HIBCH: variants seen among roughly 807,000 people sequenced by gnomAD.
The protein encoded by HIBCH is 3-hydroxyisobutyryl-CoA hydrolase, mitochondrial.
HIBCH carries 50 observed loss-of-function variants against 58.2 expected under a neutral mutation model. That is an observed-to-expected ratio of 0.86 (90% CI 0.68 to 1.09). The LOEUF is 1.09. Ranked by LOEUF, HIBCH falls within the 50% of genes least tolerant of loss-of-function variation. HIBCH has a pLI of 0.00. For synonymous variants in HIBCH, 151 were observed against 146.9 expected (o/e 1.03, Z -0.20); for missense variants, 450 against 449.7 (o/e 1.00, Z -0.01).
intron 1 of HIBCH, among the ~76,000 whole-genome samples, chr2:190,318,428 C>A (rs1262416486): frequency 1.3e-5 from 2 of 152,134 alleles, no homozygotes; most frequent in Non-Finnish European, 2.9e-5. Flanking sequence ...AAACACTTTC[C>A]GTGGCACCCT....
intron 1 of HIBCH, among the ~76,000 whole-genome samples, chr2:190,195,064 A>G (rs1270863974): frequency 6.6e-6 from 1 of 152,020 alleles, no homozygotes; most frequent in East Asian, 1.9e-4. Context: ...GGGTCTTGCT[A>G]TGTTGCCTAG....
intron 9 of HIBCH, among the ~76,000 whole-genome samples, chr2:190,249,040 G>A (rs1575723648): frequency 1.3e-5 from 2 of 152,212 alleles, no homozygotes; most frequent in Admixed American, 1.3e-4. Context: ...TCATCCTGCT[G>A]ATTTCAAGCT....
chr2:190,191,575 G>A (rs746604060), intron 1 of HIBCH, among the ~76,000 whole-genome samples: 3 of 152,158 alleles, frequency 2.0e-5, no homozygotes, highest in Non-Finnish European at 4.4e-5. Context: ...CAGAGGCCAT[G>A]TCATTTTGCA....
chr2:190,267,965 A>G (rs936718181), intron 6 of HIBCH, among the ~76,000 whole-genome samples: 7 of 152,170 alleles, frequency 4.6e-5, no homozygotes, highest in African/African-American at 1.7e-4. Flanking sequence ...CTGAACACCT[A>G]CCAGAAACAA....
intron 2 of HIBCH, among the ~76,000 whole-genome samples, chr2:190,303,564 C>T (rs1405781525): frequency 6.6e-6 from 1 of 151,982 alleles, no homozygotes; most frequent in Non-Finnish European, 1.5e-5. Flanking sequence ...TAGATGATAG[C>T]CCAAAGAATA....
Position 190,306,947 on chromosome 2 carries a change from CCAT to C in HIBCH, c.78+3804_78+3806del, listed in dbSNP as rs1309389881. On this transcript the variant is annotated intron_variant, in intron 2 of 13. Transcript: ENST00000359678. This position sits in a 1 kb window ranked among gnomAD's most constrained non-coding sequence, Gnocchi z 4.6. ...GGCTGTCTATTAACCAGGAAGCTGGCCATCACCAGACACCAAATCCGCTGGCCC... is the reference window on the plus strand; with the variant it reads ...GGCTGTCTATTAACCAGGAAGCTGGCCACCAGACACCAAATCCGCTGGCCC... Among the ~76,000 whole-genome samples the C allele has an allele frequency of 1.3e-5, 2 of 152,206 alleles. No homozygotes were observed. Among genetic ancestry groups the C allele is most frequent in the African/African-American group, 4.8e-5 (2 of 41,458 alleles).
At chr2:190,290,885 C>T (rs1687940611) in intron 4 of HIBCH, among the ~76,000 whole-genome samples, 1 of 152,094 alleles carries the variant, frequency 6.6e-6, no homozygotes. Context: ...GTGCCACATG[C>T]CTGTAGTTCC....
Position 190,294,022 on chromosome 2 carries a change from GTATATATATA to G in HIBCH, c.304+514_304+523del, listed in dbSNP as rs1553505756. Among the ~76,000 whole-genome samples the G allele has an allele frequency of 5.4e-4, 45 of 83,020 alleles. 1 individual carries two copies. Among genetic ancestry groups the G allele is most frequent in the African/African-American group, 1.6e-3 (38 of 23,470 alleles). 54.5% of individuals were successfully genotyped at this position (83,020 alleles called of 152,430 possible). ...ATATTTTGTAATATATATTTTGTGT[GTATATATATA>G]TATATATATATATATATATATAGCA... On this transcript the variant is annotated intron_variant, in intron 4 of 13. Transcript: ENST00000359678.
In HIBCH at chr2:190,204,121, C is replaced by G. The variant is rs960985172; in HGVS notation, c.*996G>C. The G allele has an allele frequency of 6.6e-6, 1 of 152,012 alleles. No homozygotes were observed. Among genetic ancestry groups the G allele is most frequent in the African/African-American group, 2.4e-5 (1 of 41,426 alleles). The allele number at this position is 152,012 out of a possible 1,614,324, so 9.4% of individuals were successfully genotyped here. ...TATTCTTGCCTAGAACTTTAAGGTT[C>G]TGAGTCTGGAATACCTTTTAGTTCT... On this transcript the variant is annotated 3_prime_UTR_variant, in exon 14 of 14. Transcript: ENST00000359678.
chr2:190,203,149 C>T (rs538849992), downstream of HIBCH: 8 of 167,048 alleles, frequency 4.8e-5, no homozygotes, highest in African/African-American at 1.9e-4. Flanking sequence ...GGAAACTATA[C>T]TTTTGTATTA....
At chr2:190,213,210 G>A in intron 11 of HIBCH, 135 bp from the exon 12 acceptor site, 1 of 739,094 alleles carries the variant, frequency 1.4e-6, no homozygotes, top group Non-Finnish European at 2.2e-6. Flanking sequence ...GCTTAATCCT[G>A]CCAAAGCACC....
At chr2:190,308,561 G>C (rs1190260295) in intron 2 of HIBCH, among the ~76,000 whole-genome samples, 1 of 152,132 alleles carries the variant, frequency 6.6e-6, no homozygotes, top group African/African-American at 2.4e-5. Context: ...AGGCAGACCT[G>C]AGCTAGCACA....
chr2:190,267,197 TTTG>T (rs1245224845), intron 6 of HIBCH, among the ~76,000 whole-genome samples: 3 of 151,958 alleles, frequency 2.0e-5, no homozygotes, highest in Non-Finnish European at 4.4e-5. Flanking sequence ...CTCATGACTT[TTTG>T]TTGTTGTTGT....
At chr2:190,247,347 A>G (rs1356443660) in intron 9 of HIBCH, among the ~76,000 whole-genome samples, 2 of 152,192 alleles carry the variant, frequency 1.3e-5, no homozygotes, top group African/African-American at 2.4e-5. Flanking sequence ...CAACCACCGC[A>G]AAGCATAATT....
intron 1 of HIBCH, among the ~76,000 whole-genome samples, chr2:190,318,470 G>A (rs1179942121): frequency 2.6e-5 from 4 of 152,130 alleles, no homozygotes; most frequent in Non-Finnish European, 5.9e-5. Context: ...TTAGGGTATT[G>A]TGGACTGGAC....
chr2:190,310,091 G>T (rs544630608), intron 2 of HIBCH, among the ~76,000 whole-genome samples: 1 of 152,074 alleles, frequency 6.6e-6, no homozygotes, highest in Non-Finnish European at 1.5e-5. Flanking sequence ...ATCTTTCTCC[G>T]GCACTGGATG....
intron 9 of HIBCH, among the ~76,000 whole-genome samples, chr2:190,247,169 C>G (rs1686632432): frequency 6.6e-6 from 1 of 151,964 alleles, no homozygotes; most frequent in Non-Finnish European, 1.5e-5. Flanking sequence ...GTTTTTTCAT[C>G]CATATTCTTT....
intron 3 of HIBCH, among the ~76,000 whole-genome samples, chr2:190,295,917 T>C (rs1393233977): frequency 6.6e-6 from 1 of 152,234 alleles, no homozygotes; most frequent in East Asian, 1.9e-4. Context: ...ATATATACTA[T>C]TCACTTAATC....
At chr2:190,196,237 T>C (rs1261265314) in intron 1 of HIBCH, among the ~76,000 whole-genome samples, 1 of 152,100 alleles carries the variant, frequency 6.6e-6, no homozygotes, top group East Asian at 1.9e-4. Context: ...CTTTAGTGGC[T>C]GCTCTATGTT....
Sources: allele counts gnomAD v4.1 joint callset (sites outside exome capture counted in the v4.1 genomes callset), GRCh38; gene constraint gnomAD v4.1.1; non-coding constraint Gnocchi (gnomAD v3.1); transcripts MANE v1.5; gene names NCBI Gene and HGNC (gene_info 2026-07-23, HGNC 2026-07-21).